Variants in RAD18 observed in about 807,000 individuals in gnomAD.
RAD18 encodes E3 ubiquitin-protein ligase RAD18.
In RAD18, 47 loss-of-function variants were observed where a neutral mutation model predicts 60.4. The observed-to-expected ratio is 0.78, with a 90% CI of 0.62 to 0.99. The LOEUF is 0.99. Ranked by LOEUF, RAD18 falls within the 50% of genes least tolerant of loss-of-function variation. RAD18 has a pLI of 0.00. For missense variants in RAD18, 640 were observed against 593.3 expected, an observed-to-expected ratio of 1.08 and a Z score of -0.82; for synonymous variants, 225 against 195.5, an observed-to-expected ratio of 1.15 and a Z score of -1.26.
chr3:8,886,947 C>T (rs1939576459), intron 12 of RAD18, among the ~76,000 whole-genome samples: 1 of 151,936 alleles, frequency 6.6e-6, no homozygotes, highest in Non-Finnish European at 1.5e-5. Flanking sequence ...TGGAGAGCTA[C>T]TTTAAAGTCT....
At chr3:8,914,132 C>T (rs1940156338) in intron 7 of RAD18, among the ~76,000 whole-genome samples, 1 of 152,160 alleles carries the variant, frequency 6.6e-6, no homozygotes, top group South Asian at 2.1e-4. Context: ...AGAAAAAGGT[C>T]TACAAATACC....
intron 7 of RAD18, among the ~76,000 whole-genome samples, chr3:8,928,452 A>G (rs936645609): frequency 6.6e-6 from 1 of 152,180 alleles, no homozygotes; most frequent in African/African-American, 2.4e-5. Context: ...CTTAAACATA[A>G]TGGTATAATA....
At chr3:8,930,240 A>G (rs1940528406) in intron 7 of RAD18, among the ~76,000 whole-genome samples, 1 of 152,246 alleles carries the variant, frequency 6.6e-6, no homozygotes. Flanking sequence ...TTGGCAATGA[A>G]AAATAAGTGA....
chr3:8,913,894 A>T (rs1168738757), intron 7 of RAD18, among the ~76,000 whole-genome samples, 174 bp from the exon 8 acceptor site: 6 of 152,198 alleles, frequency 3.9e-5, no homozygotes. Context: ...ACAAAAGGTT[A>T]AAAAAATAAC....
chr3:8,961,992 T>C (rs914192457), intron 1 of RAD18, among the ~76,000 whole-genome samples: 5 of 152,200 alleles, frequency 3.3e-5, no homozygotes, highest in African/African-American at 1.2e-4. Flanking sequence ...ACAGTGCTAA[T>C]AATAATAAAA....
intron 2 of RAD18, among the ~76,000 whole-genome samples, chr3:8,949,125 C>T (rs896236716): frequency 2.0e-5 from 3 of 152,112 alleles, no homozygotes; most frequent in Non-Finnish European, 4.4e-5. Context: ...AGCATAATTC[C>T]GCATAATATA....
chr3:8,879,406 A>G lies in RAD18; in HGVS notation c.*1951T>C, dbSNP rs1250522228. 6.6e-6 allele frequency: 1 copy of G among 152,268 alleles called. No homozygotes were observed. The highest frequency in any genetic ancestry group is 1.9e-4 in the East Asian group (1 of 5,200). The allele number at this position is 152,268 out of a possible 1,614,324, so 9.4% of individuals were successfully genotyped here. ...CCTGCACAGTCATGTGCACACAGAG[A>G]AAAGACCATGCAAGGACACCATGAG... On this transcript the variant is annotated 3_prime_UTR_variant, in exon 13 of 13. Coordinates refer to ENST00000264926, the MANE Select transcript of RAD18 (RefSeq NM_020165.4).
At chr3:8,903,740 T>C (rs1939954435) in intron 9 of RAD18, among the ~76,000 whole-genome samples, 1 of 152,194 alleles carries the variant, frequency 6.6e-6, no homozygotes, top group Admixed American at 6.5e-5. Flanking sequence ...TAGGCCACAG[T>C]CCAAAGTAAT....
At chr3:8,950,864 A>T (rs765937679) in intron 2 of RAD18, among the ~76,000 whole-genome samples, 4 of 152,242 alleles carry the variant, frequency 2.6e-5, no homozygotes, top group Non-Finnish European at 5.9e-5. Context: ...GATAAAAAGA[A>T]CCGCTATAAC....
At chr3:8,905,039 T>C (rs910440145) in intron 9 of RAD18, among the ~76,000 whole-genome samples, 2 of 152,186 alleles carry the variant, frequency 1.3e-5, no homozygotes, top group African/African-American at 4.8e-5. Context: ...AAATGAAAAA[T>C]GTCAACAGAT....
At chr3:8,920,885 GA>G in intron 7 of RAD18, among the ~76,000 whole-genome samples, 1 of 151,924 alleles carries the variant, frequency 6.6e-6, no homozygotes, top group South Asian at 2.1e-4. Context: ...TGTACTGCAG[GA>G]AAAAAAATCT....
rs1939373466 is a variant in RAD18, at chr3:8,877,236, T to C, written c.*4121A>G. 2 of 154,148 alleles carry C rather than the reference T, an allele frequency of 1.3e-5. No individual in the cohort carries two copies. Among genetic ancestry groups the C allele is most frequent in the South Asian group, 3.6e-4 (2 of 5,494 alleles). 9.5% of individuals were successfully genotyped at this position (154,148 alleles called of 1,614,324 possible). A position where few individuals can be genotyped will look rare whatever the true frequency, so the allele number is the denominator to read the frequency against. Reference sequence around the variant, plus strand: ...ATTTATTTCTCACAGGTATGGAGGCTGGTAAGTCCAAGATCAAGGCACTGG... The same window carrying C: ...ATTTATTTCTCACAGGTATGGAGGCCGGTAAGTCCAAGATCAAGGCACTGG... On this transcript the variant is annotated 3_prime_UTR_variant, in exon 13 of 13. Transcript: ENST00000264926.
At chr3:8,956,806 G>A (rs932105917) in intron 2 of RAD18, among the ~76,000 whole-genome samples, 8 of 150,356 alleles carry the variant, frequency 5.3e-5, no homozygotes, top group Non-Finnish European at 1.2e-4. Flanking sequence ...AACTTGGTAG[G>A]TTTATGAAAA....
At chr3:8,903,062 C>A (rs1245893050) in intron 9 of RAD18, among the ~76,000 whole-genome samples, 1 of 151,546 alleles carries the variant, frequency 6.6e-6, no homozygotes, top group African/African-American at 2.4e-5. Context: ...CAGAGGTGTA[C>A]AAGCTTGCTC....
At chr3:8,944,469 G>A (rs1212753615) in intron 4 of RAD18, among the ~76,000 whole-genome samples, 1 of 151,770 alleles carries the variant, frequency 6.6e-6, no homozygotes, top group East Asian at 1.9e-4. Flanking sequence ...CCAAGAGTTC[G>A]AGGTTACAGT....
At chr3:8,883,657 T>G (rs1262267793) in intron 12 of RAD18, among the ~76,000 whole-genome samples, 1 of 151,958 alleles carries the variant, frequency 6.6e-6, no homozygotes, top group Non-Finnish European at 1.5e-5. Flanking sequence ...TAACCAGAGG[T>G]GAAAGTTTAG....
chr3:8,936,091 A>C, intron 6 of RAD18, 36 bp from the exon 7 acceptor site: 1 of 1,422,128 alleles, frequency 7.0e-7, no homozygotes, highest in Non-Finnish European at 9.4e-7. Context: ...GATTATTGTG[A>C]ATTATCAAAT....
chr3:8,915,649 T>A (rs1940187144), intron 7 of RAD18, among the ~76,000 whole-genome samples: 1 of 151,088 alleles, frequency 6.6e-6, no homozygotes, highest in South Asian at 2.1e-4. Context: ...AGTGGCGCGA[T>A]CTCGGCTCAC....
At position 8,890,412 on chromosome 3, in the gene RAD18, C is replaced by G; in HGVS notation, c.1362G>C (p.Glu454Asp). Residue 454 changes from glutamate to aspartate, a missense_variant, in exon 12 of 13, where the codon GAG becomes GAC. Coordinates refer to ENST00000264926, the MANE Select transcript of RAD18 (RefSeq NM_020165.4). ...ACTTATGTGATGCTTCCCAGGCTTC[C>G]TCTTCTTCTAAAAGATCTCTTATGA... ...SDIIRDLLEE[E>D]EAWEASHKND... 1 of 1,595,558 alleles carries G rather than the reference C, an allele frequency of 6.3e-7. No individual in the cohort carries two copies. Among genetic ancestry groups the G allele is most frequent in the Non-Finnish European group, 8.6e-7 (1 of 1,163,302 alleles).
Sources: allele counts gnomAD v4.1 joint callset (sites outside exome capture counted in the v4.1 genomes callset), GRCh38; gene constraint gnomAD v4.1.1; transcripts MANE v1.5; gene names NCBI Gene and HGNC (gene_info 2026-07-23, HGNC 2026-07-21).